CCDC85C: variants seen among roughly 807,000 people sequenced by gnomAD.
CCDC85C encodes the protein coiled-coil domain-containing protein 85C.
A neutral mutation model predicts 38.3 loss-of-function variants in CCDC85C; 18 were observed. That is an observed-to-expected ratio of 0.47 (90% confidence interval 0.33 to 0.70). The LOEUF (loss-of-function observed/expected upper bound fraction) is 0.70, where lower values mean the gene tolerates loss of function less well. Ranked by LOEUF, CCDC85C falls within the 30% of genes least tolerant of loss-of-function variation. The pLI is 0.03. For missense variants in CCDC85C, 566 were observed against 621.2 expected (o/e 0.91, Z 0.94); for synonymous variants, 264 against 293.8 (o/e 0.90, Z 1.04).
intron 1 of CCDC85C, among the ~76,000 whole-genome samples, chr14:99,571,659 G>T (rs2021096): frequency 0.57 from 86,169 of 152,156 alleles, 24,461 homozygotes; most frequent in African/African-American, 0.62. Flanking sequence ...CCCACTGTTT[G>T]CAGTAAGATT....
chr14:99,503,717 G>GT lies in CCDC85C; in HGVS notation c.*11528dup. 1 of 1,334,080 alleles carries GT rather than the reference G, an allele frequency of 7.5e-7. No homozygotes were observed. The highest frequency in any genetic ancestry group is 1.0e-6 in the Non-Finnish European group (1 of 962,772). The allele number at this position is 1,334,080 out of a possible 1,614,324, so 82.6% of individuals were successfully genotyped here. ...AAACTTTAAATTCTTAGCCAACATT[G>GT]TTTCTTTTCAGATCTAAATTGGCCT... On this transcript the variant is annotated 3_prime_UTR_variant, in exon 6 of 6. Coordinates refer to ENST00000380243, the MANE Select transcript of CCDC85C (RefSeq NM_001144995.2).
intron 1 of CCDC85C, among the ~76,000 whole-genome samples, chr14:99,593,377 T>G (rs1566785287): frequency 6.6e-6 from 1 of 152,236 alleles, no homozygotes; most frequent in Non-Finnish European, 1.5e-5. Flanking sequence ...CCACCGGCCC[T>G]GCCTGCCTCT....
Position 99,507,330 on chromosome 14 carries a change from A to G in CCDC85C, c.*7916T>C, listed in dbSNP as rs377172319. The G allele has an allele frequency of 3.3e-6, 2 of 600,116 alleles. No individual in the cohort carries two copies. The highest frequency in any genetic ancestry group is 6.0e-6 in the Non-Finnish European group (2 of 333,298). The allele number at this position is 600,116 out of a possible 1,614,324, so 37.2% of individuals were successfully genotyped here. On this transcript the variant is annotated 3_prime_UTR_variant, in exon 6 of 6. Transcript: ENST00000380243. ...AATGGCTTGTGTTTTTGATCCCAGC[A>G]CTTTGGGAGGCGGAGGCAGGAGAAT...
At chr14:99,587,339 A>G (rs1171198572) in intron 1 of CCDC85C, among the ~76,000 whole-genome samples, 2 of 152,266 alleles carry the variant, frequency 1.3e-5, no homozygotes, top group Non-Finnish European at 2.9e-5. Context: ...AAGCCCTCAG[A>G]GCCTCATGAC....
chr14:99,521,447 C>A (rs1897301878), intron 3 of CCDC85C, among the ~76,000 whole-genome samples: 2 of 152,318 alleles, frequency 1.3e-5, no homozygotes, highest in East Asian at 1.9e-4. Context: ...AGGGGCACAG[C>A]TGCTACAAGC....
At chr14:99,537,203 C>T (rs12888112) in intron 1 of CCDC85C, among the ~76,000 whole-genome samples, 71,165 of 152,100 alleles carry the variant, frequency 0.47, 17,090 homozygotes, top group South Asian at 0.59. Flanking sequence ...GCCCACCCGA[C>T]AACAGGACGC....
intron 1 of CCDC85C, among the ~76,000 whole-genome samples, chr14:99,551,953 G>C (rs1897920245): frequency 6.6e-6 from 1 of 152,196 alleles, no homozygotes; most frequent in Non-Finnish European, 1.5e-5. Flanking sequence ...GAAAGCAGAG[G>C]AAAAGTAAAT....
chr14:99,522,447 T>G, intron 2 of CCDC85C: 1 of 508,888 alleles, frequency 2.0e-6, no homozygotes, highest in South Asian at 2.7e-5. Flanking sequence ...AGCGATCCAC[T>G]CTCCAACGTG....
intron 1 of CCDC85C, among the ~76,000 whole-genome samples, chr14:99,562,670 G>T (rs2180379): frequency 0.57 from 85,926 of 151,964 alleles, 25,022 homozygotes; most frequent in African/African-American, 0.71. Context: ...TGTCCCAAGG[G>T]TTCTCACGGA....
chr14:99,534,847 T>C lies in CCDC85C; in HGVS notation c.867+1168A>G, dbSNP rs922943470. 13 of 629,436 alleles carry C rather than the reference T, an allele frequency of 2.1e-5. No homozygotes were observed. In the African/African-American group the frequency reaches 2.4e-4, roughly 12 times the overall value. 39.0% of individuals were successfully genotyped at this position (629,436 alleles called of 1,614,324 possible). On this transcript the variant is annotated intron_variant, in intron 2 of 5. Coordinates refer to ENST00000380243, the MANE Select transcript of CCDC85C (RefSeq NM_001144995.2). ...CCATAGGGCACCTGACAGCAAGGCA[T>C]GAAATTACAAAAGCCAGCCTTGCCA...
chr14:99,509,853 G>C lies in CCDC85C; in HGVS notation c.*5393C>G. 2.2e-6 allele frequency: 1 copy of C among 461,126 alleles called. No homozygotes were observed. Among genetic ancestry groups the C allele is most frequent in the Non-Finnish European group, 3.8e-6 (1 of 260,890 alleles). 28.6% of individuals were successfully genotyped at this position (461,126 alleles called of 1,614,324 possible). On this transcript the variant is annotated 3_prime_UTR_variant, in exon 6 of 6. Coordinates refer to ENST00000380243, the MANE Select transcript of CCDC85C (RefSeq NM_001144995.2). Reference sequence around the variant, plus strand: ...CCCACACGTTTTGCACTAGGAAGAGGGGGCTGGGGCCAGGGCACAAGGGGG... The same window carrying C: ...CCCACACGTTTTGCACTAGGAAGAGCGGGCTGGGGCCAGGGCACAAGGGGG...
At position 99,513,656 on chromosome 14, in the gene CCDC85C, C is replaced by A. The variant is rs538356108; in HGVS notation, c.*1590G>T. On this transcript the variant is annotated 3_prime_UTR_variant, in exon 6 of 6. Transcript: ENST00000380243. ...TCTTGCCTGCATCCCCAGCCCTGGG[C>A]CTGCATGAGACCTGCTGGGTAGGAA... 6.6e-6 allele frequency: 1 copy of A among 152,504 alleles called. No individual in the cohort carries two copies. Among genetic ancestry groups the A allele is most frequent in the Admixed American group, 6.5e-5 (1 of 15,310 alleles). 9.4% of individuals were successfully genotyped at this position (152,504 alleles called of 1,614,324 possible).
rs1170828588 is a variant in CCDC85C, at chr14:99,513,733, C to G, written c.*1513G>C. The G allele has an allele frequency of 1.3e-5, 2 of 152,310 alleles. No individual in the cohort carries two copies. The highest frequency in any genetic ancestry group is 2.9e-5 in the Non-Finnish European group (2 of 68,122). The allele number at this position is 152,310 out of a possible 1,614,324, so 9.4% of individuals were successfully genotyped here. On this transcript the variant is annotated 3_prime_UTR_variant, in exon 6 of 6. Coordinates refer to ENST00000380243, the MANE Select transcript of CCDC85C (RefSeq NM_001144995.2). ...GGGCTGAGCAGCCCCTGGAAGAGCA[C>G]AGGAGTCTGACGAGGACCTGGTGAG...
Position 99,516,185 on chromosome 14 carries a change from C to CA in CCDC85C, c.1170+2dup. ...CTCTGCCCCCCACCCCTGGAAGCCT[C>CA]ACGTTGCACATCTCGCGAACGATGG... On this transcript the variant is annotated splice_region_variant and intron_variant, in intron 5 of 5. Transcript: ENST00000380243. This position sits in a 1 kb window ranked among gnomAD's most constrained non-coding sequence, Gnocchi z 5.5. 1 of 1,550,796 alleles carries CA rather than the reference C, an allele frequency of 6.4e-7. No homozygotes were observed. The highest frequency in any genetic ancestry group is 1.2e-5 in the South Asian group (1 of 84,052).
rs1325537734 is a variant in CCDC85C, at chr14:99,603,470, C to T, written c.490G>A (p.Ala164Thr). Residue 164 changes from alanine to threonine, a missense_variant, in exon 1 of 6, where the codon GCA becomes ACA. By Grantham distance (58) the Ala-to-Thr change is moderately conservative. This residue lies in a region of CCDC85C where 269 missense variants were observed against 308.2 expected (regional missense o/e 0.87). Transcript: ENST00000380243. This position sits in a 1 kb window ranked among gnomAD's most constrained non-coding sequence, Gnocchi z 7.5. ...CCCCCGCCGCCGCCGCCACCGCTTG[C>T]GGCCCCCGTCGCCGCCAGTGCCGCG... ...ERAALAATGAASGGGGGGGGA... is the reference protein window; with the variant it reads ...ERAALAATGATSGGGGGGGGA... 7 of 1,285,090 alleles carry T rather than the reference C, an allele frequency of 5.4e-6. No individual in the cohort carries two copies. The highest frequency in any genetic ancestry group is 5.2e-5 in the South Asian group (2 of 38,106). 79.6% of individuals were successfully genotyped at this position (1,285,090 alleles called of 1,614,324 possible).
In CCDC85C at chr14:99,507,455, C is replaced by A. The variant is rs3918111; in HGVS notation, c.*7791G>T. The A allele has an allele frequency of 1.2e-3, 394 of 338,172 alleles. 4 individuals carry two copies. The South Asian group carries it at 0.012, about 11-fold the overall frequency. The allele number at this position is 338,172 out of a possible 1,614,324, so 20.9% of individuals were successfully genotyped here. A position where few individuals can be genotyped will look rare whatever the true frequency, so the allele number is the denominator to read the frequency against. ...TAGCACACACCTGTAGTCCCAACTACTTAGGAGTCTGAGATGGGAAGATCA... is the reference window on the plus strand; with the variant it reads ...TAGCACACACCTGTAGTCCCAACTAATTAGGAGTCTGAGATGGGAAGATCA... On this transcript the variant is annotated 3_prime_UTR_variant, in exon 6 of 6. Transcript: ENST00000380243.
At position 99,501,956 on chromosome 14, in the gene CCDC85C, G is replaced by A. The variant is rs1036818921; in HGVS notation, c.*13290C>T. 59 of 348,408 alleles carry A rather than the reference G, an allele frequency of 1.7e-4. No individual in the cohort carries two copies. The highest frequency in any genetic ancestry group is 1.1e-3 in the African/African-American group (53 of 46,626). The allele number at this position is 348,408 out of a possible 1,614,324, so 21.6% of individuals were successfully genotyped here. ...TAAATAACATAAGTCATTTTCATTG[G>A]TGTAGCAATTTTTGGATGTGCTAGA... On this transcript the variant is annotated 3_prime_UTR_variant, in exon 6 of 6. Transcript: ENST00000380243.
chr14:99,603,338 T>C lies in CCDC85C; in HGVS notation c.622A>G (p.Thr208Ala), dbSNP rs1049764534. The C allele has an allele frequency of 2.3e-6, 3 of 1,319,022 alleles. No homozygotes were observed. Among genetic ancestry groups the C allele is most frequent in the Non-Finnish European group, 2.9e-6 (3 of 1,037,764 alleles). The allele number at this position is 1,319,022 out of a possible 1,614,324, so 81.7% of individuals were successfully genotyped here. The change falls in exon 1 of 6, where the codon ACG becomes GCG. Residue 208 changes from threonine to alanine, a missense_variant. Physicochemically the swap from Thr to Ala is moderately conservative, Grantham distance 58. Coordinates refer to ENST00000380243, the MANE Select transcript of CCDC85C (RefSeq NM_001144995.2). This position sits in a 1 kb window ranked among gnomAD's most constrained non-coding sequence, Gnocchi z 7.5. ...GARDVGDGSS[T>A]SSAGSGGSPD... ...CTGCCGCCGCTGCCCGCGCTGGACG[T>C]ACTGCTGCCGTCGCCCACGTCGCGG...
At chr14:99,562,662 T>C (rs1403246559) in intron 1 of CCDC85C, among the ~76,000 whole-genome samples, 5 of 152,074 alleles carry the variant, frequency 3.3e-5, no homozygotes, top group Non-Finnish European at 4.4e-5. Context: ...GAGAGGTGTG[T>C]CCCAAGGGTT....
Sources: allele counts gnomAD v4.1 joint callset (sites outside exome capture counted in the v4.1 genomes callset), GRCh38; gene constraint gnomAD v4.1.1; regional missense constraint gnomAD v4.1.1; non-coding constraint Gnocchi (gnomAD v3.1); transcripts MANE v1.5; gene names NCBI Gene and HGNC (gene_info 2026-07-23, HGNC 2026-07-21).